Variants in UPP2 observed in about 807,000 individuals in gnomAD.
UPP2 encodes the protein UPase 2.
Under a neutral mutation model 26.7 loss-of-function variants are expected in UPP2, and 23 were observed. The ratio of observed to expected loss-of-function variants is 0.86; its 90% CI spans 0.62 to 1.22. UPP2 has a LOEUF of 1.22. UPP2 is among the 50% of genes most tolerant of loss of function. The probability of loss-of-function intolerance (pLI) is 0.00; values close to 1 mark genes in which losing one functional copy is unlikely to be tolerated. For synonymous variants in UPP2, 127 were observed against 141.3 expected (o/e 0.90, Z 0.72); for missense variants, 387 against 396.7 (o/e 0.98, Z 0.21).
At chr2:158,017,911 A>G (rs1178265085) in intron 3 of UPP2, among the ~76,000 whole-genome samples, 1 of 152,222 alleles carries the variant, frequency 6.6e-6, no homozygotes, top group Non-Finnish European at 1.5e-5. Context: ...ATATACTTTG[A>G]AAATAGTTGT....
In UPP2 at chr2:158,124,012, T is replaced by TA. The variant is rs1683635170; in HGVS notation, c.811+118dup. On this transcript the variant is annotated intron_variant, in intron 6 of 6. Transcript: ENST00000005756. ...ATTACCTTGGGCTGAAGGCATGACT[T>TA]ATAATTGTATATAATATACATTATC... The TA allele has an allele frequency of 4.0e-6, 4 of 1,008,864 alleles. No homozygotes were observed. In the Admixed American group the frequency reaches 9.9e-5, roughly 25 times the overall value. 62.5% of individuals were successfully genotyped at this position (1,008,864 alleles called of 1,614,324 possible). A position where few individuals can be genotyped will look rare whatever the true frequency, so the allele number is the denominator to read the frequency against.
chr2:158,110,700 T>G (rs1037735635), intron 2 of UPP2, among the ~76,000 whole-genome samples: 2 of 152,132 alleles, frequency 1.3e-5, no homozygotes, highest in Admixed American at 1.3e-4. Flanking sequence ...TTTTAATGAT[T>G]GCCATTCTAA....
intron 3 of UPP2, among the ~76,000 whole-genome samples, chr2:158,043,024 T>C (rs1216148000): frequency 6.6e-6 from 1 of 152,212 alleles, no homozygotes; most frequent in African/African-American, 2.4e-5. Context: ...AAGGTAGCCC[T>C]AAATGCTTGT....
exon 3 of UPP2, chr2:158,015,831 T>C (rs1204036291): frequency 1.3e-5 from 6 of 453,512 alleles, no homozygotes; most frequent in South Asian, 9.3e-5. Context: ...ACTTCCACCA[T>C]GATTGTAAGT....
intron 4 of UPP2, among the ~76,000 whole-genome samples, chr2:158,118,799 T>C (rs1215114321): frequency 6.6e-6 from 1 of 151,896 alleles, no homozygotes; most frequent in Non-Finnish European, 1.5e-5. Context: ...ATGTCAGAAA[T>C]CCTCACACAA....
chr2:158,080,329 CA>C (rs1261879491), intron 3 of UPP2, among the ~76,000 whole-genome samples: 1 of 152,024 alleles, frequency 6.6e-6, no homozygotes, highest in Non-Finnish European at 1.5e-5. Flanking sequence ...CTTGCTGGCC[CA>C]ATGATACATG....
chr2:158,078,209 T>C (rs577551879), intron 3 of UPP2, among the ~76,000 whole-genome samples: 1 of 152,260 alleles, frequency 6.6e-6, no homozygotes, highest in South Asian at 2.1e-4. Context: ...ACGACCACTA[T>C]GGAGAAGTTT....
chr2:158,107,706 G>T (rs1342053659), intron 2 of UPP2, among the ~76,000 whole-genome samples: 1 of 152,128 alleles, frequency 6.6e-6, no homozygotes, highest in East Asian at 1.9e-4. Context: ...GATCTATTAT[G>T]CCTATGATTA....
chr2:158,041,808 A>G (rs926203753), intron 3 of UPP2, among the ~76,000 whole-genome samples: 1 of 152,202 alleles, frequency 6.6e-6, no homozygotes, highest in Admixed American at 6.5e-5. Flanking sequence ...TGAGTAAATG[A>G]GTTCCCTCTC....
At chr2:158,072,243 C>T (rs1682554586) in intron 3 of UPP2, among the ~76,000 whole-genome samples, 1 of 151,636 alleles carries the variant, frequency 6.6e-6, no homozygotes, top group African/African-American at 2.4e-5. Flanking sequence ...GCCTCCTCTG[C>T]CAGTGGAAAA....
At chr2:158,019,894 A>T (rs559508346) in intron 3 of UPP2, among the ~76,000 whole-genome samples, 2 of 152,290 alleles carry the variant, frequency 1.3e-5, no homozygotes, top group South Asian at 4.1e-4. Context: ...CATGGGTTAA[A>T]ATTTTATACA....
chr2:158,037,249 T>C (rs545261539), intron 3 of UPP2, among the ~76,000 whole-genome samples: 2 of 151,926 alleles, frequency 1.3e-5, no homozygotes, highest in East Asian at 1.9e-4. Flanking sequence ...GTGGCGGGCA[T>C]CTGTAATCCC....
intron 3 of UPP2, among the ~76,000 whole-genome samples, chr2:158,020,774 A>C (rs1683737661): frequency 6.6e-6 from 1 of 152,248 alleles, no homozygotes; most frequent in African/African-American, 2.4e-5. Flanking sequence ...ATCCCTGTGG[A>C]CCAGAGGCCA....
chr2:158,069,883 C>T (rs991053848), intron 3 of UPP2, among the ~76,000 whole-genome samples: 2 of 152,122 alleles, frequency 1.3e-5, no homozygotes, highest in Non-Finnish European at 2.9e-5. Context: ...TAGTAAAGGC[C>T]TTCTTCCAAC....
Position 158,078,978 on chromosome 2 carries a change from T to C in UPP2, c.148-23062T>C, listed in dbSNP as rs538645710. 1.1e-3 allele frequency among the ~76,000 whole-genome samples: 160 copies of C among 152,248 alleles called. 1 individual carries two copies. Among genetic ancestry groups the C allele is most frequent in the African/African-American group, 3.7e-3 (154 of 41,556 alleles). Reference sequence around the variant, plus strand: ...CAAAAGTGGGACCAGGTGGTGATAATTGAATCATGGGGGCAGTTTCCCATA... The same window carrying C: ...CAAAAGTGGGACCAGGTGGTGATAACTGAATCATGGGGGCAGTTTCCCATA... On this transcript the variant is annotated intron_variant, in intron 3 of 9. Coordinates refer to the UPP2 transcript ENST00000605860.
chr2:158,019,472 C>A (rs1273635670), intron 3 of UPP2, among the ~76,000 whole-genome samples: 1 of 152,080 alleles, frequency 6.6e-6, no homozygotes, highest in Non-Finnish European at 1.5e-5. Context: ...AGGCACCACC[C>A]CAGTGGTTCA....
rs76900747 is a variant in UPP2 at position 158,122,482 on chromosome 2, T to C, written c.664+864T>C. Among the ~76,000 whole-genome samples, 275 of 152,148 alleles carry C rather than the reference T, an allele frequency of 1.8e-3. 5 individuals are homozygous for C. The highest frequency in any genetic ancestry group is 5.8e-3 in the African/African-American group (243 of 41,572). ...AAATAGAAGGGCTGTTGGGGTCCAATAGGGTTGGGACCCTCTGTTCAAGGC... is the reference window on the plus strand; with the variant it reads ...AAATAGAAGGGCTGTTGGGGTCCAACAGGGTTGGGACCCTCTGTTCAAGGC... On this transcript the variant is annotated intron_variant, in intron 5 of 6. Coordinates refer to ENST00000005756, the MANE Select transcript of UPP2 (RefSeq NM_173355.4).
intron 3 of UPP2, among the ~76,000 whole-genome samples, chr2:158,016,125 T>TA (rs1324711368): frequency 0.028 from 4,033 of 142,706 alleles, 157 homozygotes; most frequent in African/African-American, 0.093. Flanking sequence ...AACACTTGTT[T>TA]AAAAAAAAAA....
intron 3 of UPP2, among the ~76,000 whole-genome samples, chr2:158,083,067 A>G (rs1334090629): frequency 6.6e-6 from 1 of 152,200 alleles, no homozygotes; most frequent in African/African-American, 2.4e-5. Flanking sequence ...CAGATGCTGG[A>G]GAGGATGCGG....
Sources: gnomAD v4.1 joint callset for allele counts (sites outside exome capture counted in the v4.1 genomes callset) on GRCh38, gnomAD v4.1.1 for gene constraint, MANE v1.5 for transcripts, NCBI Gene and HGNC (gene_info 2026-07-23, HGNC 2026-07-21) for gene names.